The following PARD3 variants were observed in gnomAD, a reference collection of about 807,000 sequenced individuals.
PARD3 encodes partitioning defective 3 homolog.
In PARD3, 75 loss-of-function variants were observed where a neutral mutation model predicts 155.4. The ratio of observed to expected loss-of-function variants is 0.48; its 90% CI spans 0.40 to 0.58. The LOEUF (loss-of-function observed/expected upper bound fraction) is 0.58, where lower values mean the gene tolerates loss of function less well. Among genes scored for constraint, PARD3 ranks in the 20% least tolerant of loss-of-function variants. The pLI is 0.00. For synonymous variants in PARD3, 576 were observed against 610.5 expected, an observed-to-expected ratio of 0.94 and a Z score of 0.83; for missense variants, 1,642 against 1,721.7, an observed-to-expected ratio of 0.95 and a Z score of 0.82.
At chr10:34,165,010 C>T (rs925616846) in intron 22 of PARD3, among the ~76,000 whole-genome samples, 8 of 152,140 alleles carry the variant, frequency 5.3e-5, no homozygotes, top group Non-Finnish European at 8.8e-5. Context: ...CTAGACTCTC[C>T]TTTTTTTCTC....
In PARD3 at chr10:34,725,311, C is replaced by T. The variant is rs374877766; in HGVS notation, c.121-28892G>A. On this transcript the variant is annotated intron_variant, in intron 1 of 24. Transcript: ENST00000374788. ...GGGGTTACAGATGCCTGCCACTACGCCTGGCTAATTTTTGTATTTTTAGTA... is the reference window on the plus strand; with the variant it reads ...GGGGTTACAGATGCCTGCCACTACGTCTGGCTAATTTTTGTATTTTTAGTA... Among the ~76,000 whole-genome samples, 12 of 152,144 alleles carry T rather than the reference C, an allele frequency of 7.9e-5. No homozygotes were observed. In the East Asian group the frequency reaches 1.4e-3, roughly 17 times the overall value.
At chr10:34,741,042 A>C (rs2095001239) in intron 1 of PARD3, among the ~76,000 whole-genome samples, 1 of 152,190 alleles carries the variant, frequency 6.6e-6, no homozygotes, top group South Asian at 2.1e-4. Flanking sequence ...GCTAATTGGA[A>C]CTGGCCTATT....
intron 1 of PARD3, among the ~76,000 whole-genome samples, chr10:34,713,930 A>T (rs937902575): frequency 3.9e-5 from 6 of 152,172 alleles, no homozygotes; most frequent in African/African-American, 1.4e-4. Flanking sequence ...TAAAATGTTG[A>T]ATATTTCTCT....
chr10:34,497,293 T>C (rs912630614), intron 3 of PARD3, among the ~76,000 whole-genome samples: 3 of 152,138 alleles, frequency 2.0e-5, no homozygotes, highest in African/African-American at 7.2e-5. Context: ...ATAAAAACAA[T>C]ATAGTATAAC....
chr10:34,812,667 G>A (rs925018480), intron 1 of PARD3, among the ~76,000 whole-genome samples: 4 of 152,096 alleles, frequency 2.6e-5, no homozygotes, highest in African/African-American at 9.7e-5. Context: ...TTGGTATACT[G>A]CAAAGCCCCC....
intron 22 of PARD3, among the ~76,000 whole-genome samples, chr10:34,157,566 A>G (rs1327278904): frequency 6.6e-6 from 1 of 152,192 alleles, no homozygotes; most frequent in East Asian, 1.9e-4. Context: ...GAGTCCATGT[A>G]CAATAATTTT....
At chr10:34,487,496 A>C (rs960553856) in intron 3 of PARD3, among the ~76,000 whole-genome samples, 1 of 152,180 alleles carries the variant, frequency 6.6e-6, no homozygotes, top group East Asian at 1.9e-4. Context: ...TTGAAAGGGC[A>C]ATCTCTGTAG....
chr10:34,716,844 G>T (rs539420913), intron 1 of PARD3, among the ~76,000 whole-genome samples: 2 of 151,998 alleles, frequency 1.3e-5, no homozygotes, highest in African/African-American at 2.4e-5. Flanking sequence ...CACCTGCCTC[G>T]GCCTCCCAAA....
intron 2 of PARD3, among the ~76,000 whole-genome samples, chr10:34,694,866 C>T (rs2094136034): frequency 1.3e-5 from 2 of 152,126 alleles, no homozygotes; most frequent in Admixed American, 6.5e-5. Flanking sequence ...CTCAGCCAGG[C>T]ATGATGCTAA....
At chr10:34,648,712 G>A (rs941224546) in intron 2 of PARD3, among the ~76,000 whole-genome samples, 1 of 152,180 alleles carries the variant, frequency 6.6e-6, no homozygotes, top group Non-Finnish European at 1.5e-5. Context: ...GGCTCCTAAT[G>A]GGCCATGGAC....
rs984542744 is a variant in PARD3 at position 34,300,200 on chromosome 10, A to AT, written c.3066-15956dup. ...TATCCACAAATCATAGTATATTACA[A>AT]TTTTTTTGGAAGTCATGGGAATAGA... is the stretch of plus-strand genomic sequence containing the variant. On this transcript the variant is annotated intron_variant, in intron 20 of 24. Coordinates refer to ENST00000374788, the MANE Select transcript of PARD3 (RefSeq NM_001184785.2). 3.0e-4 allele frequency among the ~76,000 whole-genome samples: 46 copies of AT among 152,322 alleles called. 1 individual carries two copies. The highest frequency in any genetic ancestry group is 2.7e-3 in the Admixed American group (41 of 15,298).
intron 22 of PARD3, among the ~76,000 whole-genome samples, chr10:34,239,808 A>G (rs1385426474): frequency 1.3e-5 from 2 of 152,188 alleles, no homozygotes; most frequent in African/African-American, 2.4e-5. Flanking sequence ...ATCTCAAAAA[A>G]AAAAAAAAAA....
At chr10:34,717,202 G>T (rs1332367938) in intron 1 of PARD3, among the ~76,000 whole-genome samples, 1 of 152,038 alleles carries the variant, frequency 6.6e-6, no homozygotes, top group Admixed American at 6.5e-5. Flanking sequence ...GTGGTTAAGT[G>T]GCCTGAAACT....
At position 34,687,805 on chromosome 10, in the gene PARD3, C is replaced by A. The variant is rs530124133; in HGVS notation, c.222+8513G>T. On this transcript the variant is annotated intron_variant, in intron 2 of 24. Transcript: ENST00000374788. ...TCCACACAAAAGTGTACTTCCCCGC[C>A]ACCTACTGACTCCACATGCCCGGTC... Among the ~76,000 whole-genome samples, 13 of 149,942 alleles carry A rather than the reference C, an allele frequency of 8.7e-5. No individual in the cohort carries two copies. The East Asian group carries it at 2.5e-3, about 29-fold the overall frequency.
intron 2 of PARD3, among the ~76,000 whole-genome samples, chr10:34,658,026 G>A (rs761548416): frequency 5.9e-5 from 9 of 151,876 alleles, no homozygotes; most frequent in Non-Finnish European, 1.3e-4. Context: ...GGCACCTGTA[G>A]TCCCAGCTAC....
chr10:34,788,947 G>A (rs1841312430), intron 1 of PARD3, among the ~76,000 whole-genome samples: 1 of 152,210 alleles, frequency 6.6e-6, no homozygotes, highest in African/African-American at 2.4e-5. Flanking sequence ...TGCAGAAACT[G>A]AGGGCCTTGA....
intron 22 of PARD3, among the ~76,000 whole-genome samples, chr10:34,262,032 A>T (rs1307053885): frequency 6.6e-6 from 1 of 152,208 alleles, no homozygotes; most frequent in East Asian, 1.9e-4. Context: ...CTCATACTGG[A>T]GTTCCAAACT....
intron 1 of PARD3, among the ~76,000 whole-genome samples, chr10:34,805,542 C>CATGCATATATATATAT (rs144700630): frequency 2.1e-5 from 3 of 140,748 alleles, no homozygotes; most frequent in East Asian, 2.1e-4. Context: ...CACGTATGTG[C>CATGCATATATATATAT]ATATATATAT....
chr10:34,246,598 C>A (rs1953963340), intron 22 of PARD3, among the ~76,000 whole-genome samples: 1 of 152,106 alleles, frequency 6.6e-6, no homozygotes, highest in African/African-American at 2.4e-5. Context: ...AGCACGGGCC[C>A]TCTTCAGTCT....
Sources: allele counts gnomAD v4.1 joint callset (sites outside exome capture counted in the v4.1 genomes callset), GRCh38; gene constraint gnomAD v4.1.1; transcripts MANE v1.5; gene names NCBI Gene and HGNC (gene_info 2026-07-23, HGNC 2026-07-21).